The following COTL1 variants were observed in gnomAD, a reference collection of about 807,000 sequenced individuals.
The protein encoded by COTL1 is coactosin like F-actin binding protein 1.
In COTL1, 15 loss-of-function variants were observed where a neutral mutation model predicts 16.5. The ratio of observed to expected loss-of-function variants is 0.91; its 90% confidence interval spans 0.61 to 1.40. The LOEUF is 1.40. Among genes scored for constraint, COTL1 ranks in the 40% most tolerant of loss-of-function variants. COTL1 has a pLI of 0.00. For missense variants in COTL1, 220 were observed against 201.5 expected (o/e 1.09, Z -0.56); for synonymous variants, 112 against 85.3 (o/e 1.31, Z -1.73).
At chr16:84,610,133 C>T (rs939083391) in intron 2 of COTL1, among the ~76,000 whole-genome samples, 9 of 152,182 alleles carry the variant, frequency 5.9e-5, no homozygotes, top group African/African-American at 1.2e-4. Flanking sequence ...TAAATATGCC[C>T]AATTTCCTCA....
At chr16:84,581,631 G>A (rs1035913498) in intron 3 of COTL1, among the ~76,000 whole-genome samples, 3 of 152,140 alleles carry the variant, frequency 2.0e-5, no homozygotes, top group African/African-American at 7.2e-5. Context: ...AGCCTCCGGA[G>A]TAGCTGGGAT....
Position 84,599,464 on chromosome 16 carries a change from G to A in COTL1, c.161-9202C>T, listed in dbSNP as rs117740992. The stretch of plus-strand genomic sequence containing the variant: ...CCCACCACCCTAGAAACTTTTTAGC[G>A]TAAGTCCTTTGGATCTTTTCAGCTA... On this transcript the variant is annotated intron_variant, in intron 2 of 3. Coordinates refer to ENST00000262428, the MANE Select transcript of COTL1 (RefSeq NM_021149.5). 3.7e-4 allele frequency among the ~76,000 whole-genome samples: 56 copies of A among 152,300 alleles called. No individual in the cohort carries two copies. In the East Asian group the frequency reaches 9.6e-3, roughly 26 times the overall value.
chr16:84,571,541 C>T (rs1172691728), intron 3 of COTL1, among the ~76,000 whole-genome samples: 1 of 152,188 alleles, frequency 6.6e-6, no homozygotes, highest in African/African-American at 2.4e-5. Context: ...TCCCTCCCCT[C>T]TTTGTGTCTC....
chr16:84,576,204 A>G (rs1243158269), intron 3 of COTL1: 1 of 152,242 alleles, frequency 6.6e-6, no homozygotes, highest in Non-Finnish European at 1.5e-5. Context: ...GGGAACAAGG[A>G]GGCCTGTCGG....
Position 84,565,908 on chromosome 16 carries a change from G to GCCAT in COTL1, c.*933_*936dup, listed in dbSNP as rs1448075573. ...CGGGCAGAGCAACCCTTCGGCCCAA[G>GCCAT]CCATCCTCGCAGCTTACACAGAAGC... On this transcript the variant is annotated 3_prime_UTR_variant, in exon 4 of 4. Transcript: ENST00000262428. 6.6e-6 allele frequency: 1 copy of GCCAT among 152,296 alleles called. No individual in the cohort carries two copies. Among genetic ancestry groups the GCCAT allele is most frequent in the Admixed American group, 6.5e-5 (1 of 15,290 alleles). The allele number at this position is 152,296 out of a possible 1,614,324, so 9.4% of individuals were successfully genotyped here.
Position 84,615,208 on chromosome 16 carries a change from G to A in COTL1, c.160+2293C>T, listed in dbSNP as rs142807698. On this transcript the variant is annotated intron_variant, in intron 2 of 3. Transcript: ENST00000262428. The stretch of plus-strand genomic sequence containing the variant: ...CTATGCATTTGTCCAACAGATGGCT[G>A]GGGAAAGAAAGCACTGCAGCTGAAG... 8.5e-5 allele frequency among the ~76,000 whole-genome samples: 13 copies of A among 152,342 alleles called. No homozygotes were observed. In the East Asian group the frequency reaches 1.9e-3, roughly 23 times the overall value.
intron 3 of COTL1, among the ~76,000 whole-genome samples, chr16:84,584,115 G>A (rs995029077): frequency 6.6e-6 from 1 of 152,204 alleles, no homozygotes; most frequent in Non-Finnish European, 1.5e-5. Flanking sequence ...AACGATAGGA[G>A]CGAGGTTCTG....
intron 2 of COTL1, among the ~76,000 whole-genome samples, chr16:84,604,752 G>T (rs2150694389): frequency 6.6e-6 from 1 of 152,322 alleles, no homozygotes; most frequent in South Asian, 2.1e-4. Context: ...GGGGCCGCCA[G>T]GAGCCTGGCT....
intron 2 of COTL1, among the ~76,000 whole-genome samples, chr16:84,603,096 C>T (rs1201889890): frequency 6.6e-6 from 1 of 152,152 alleles, no homozygotes; most frequent in East Asian, 1.9e-4. Context: ...AGCGACTTCC[C>T]CTCTCTGCCC....
intron 2 of COTL1, among the ~76,000 whole-genome samples, chr16:84,600,163 T>C (rs1905080202): frequency 6.6e-6 from 1 of 152,160 alleles, no homozygotes. Flanking sequence ...TCCCTGCAGT[T>C]GACAAAAACA....
At chr16:84,569,492 G>A (rs901618732) in intron 3 of COTL1, among the ~76,000 whole-genome samples, 2 of 152,166 alleles carry the variant, frequency 1.3e-5, no homozygotes, top group Non-Finnish European at 2.9e-5. Context: ...AAGCCACTGA[G>A]AACACTAACA....
intron 2 of COTL1, among the ~76,000 whole-genome samples, chr16:84,614,457 A>C (rs796888451): frequency 3.4e-5 from 5 of 146,238 alleles, no homozygotes; most frequent in African/African-American, 1.3e-4. Flanking sequence ...TGAGGAGGGG[A>C]GGCTGGGTGG....
At chr16:84,598,364 G>A (rs1026604463) in intron 2 of COTL1, among the ~76,000 whole-genome samples, 1 of 152,138 alleles carries the variant, frequency 6.6e-6, no homozygotes, top group African/African-American at 2.4e-5. Flanking sequence ...GGGCCCTGAA[G>A]GTAGGTAAAG....
intron 3 of COTL1, among the ~76,000 whole-genome samples, chr16:84,573,578 C>T (rs774316689): frequency 2.3e-4 from 35 of 152,082 alleles, no homozygotes; most frequent in Admixed American, 6.5e-4. Context: ...AGTTCAAGGC[C>T]AGCCTGGCCA....
chr16:84,576,893 A>C (rs908906166), intron 3 of COTL1: 1 of 152,290 alleles, frequency 6.6e-6, no homozygotes, highest in African/African-American at 2.4e-5. Flanking sequence ...CCGCAGGCAT[A>C]AGATGGAGCC....
Position 84,590,480 on chromosome 16 carries a change from A to T in COTL1, c.161-218T>A, listed in dbSNP as rs1310869828. 1 of 428,812 alleles carries T rather than the reference A, an allele frequency of 2.3e-6. No homozygotes were observed. Among genetic ancestry groups the T allele is most frequent in the African/African-American group, 2.0e-5 (1 of 49,590 alleles). 26.6% of individuals were successfully genotyped at this position (428,812 alleles called of 1,614,324 possible). ...TCCTGGCAACAGTGCTGCAGGCTTC[A>T]TGCCCATTTCACAGATGGGAAATGG... On this transcript the variant is annotated intron_variant, in intron 2 of 3. Transcript: ENST00000262428. This position sits in a 1 kb window ranked among gnomAD's most constrained non-coding sequence, Gnocchi z 5.5.
chr16:84,617,099 TGA>T (rs1472853744), intron 2 of COTL1, among the ~76,000 whole-genome samples: 2 of 152,230 alleles, frequency 1.3e-5, no homozygotes, highest in South Asian at 2.1e-4. Context: ...AGGGCGCGGC[TGA>T]GTTTCTTTCC....
At chr16:84,605,738 G>A (rs1011992975) in intron 2 of COTL1, among the ~76,000 whole-genome samples, 5 of 152,248 alleles carry the variant, frequency 3.3e-5, no homozygotes, top group African/African-American at 1.2e-4. Flanking sequence ...CCAGGAGAAA[G>A]CAGCCCTGTC....
At chr16:84,600,024 G>A (rs1386018009) in intron 2 of COTL1, among the ~76,000 whole-genome samples, 1 of 152,142 alleles carries the variant, frequency 6.6e-6, no homozygotes, top group Non-Finnish European at 1.5e-5. Context: ...TCTGTAAGAG[G>A]GAGGGGGCCT....
Sources: allele counts gnomAD v4.1 joint callset (sites outside exome capture counted in the v4.1 genomes callset), GRCh38; gene constraint gnomAD v4.1.1; non-coding constraint Gnocchi (gnomAD v3.1); transcripts MANE v1.5; gene names NCBI Gene and HGNC (gene_info 2026-07-23, HGNC 2026-07-21).